SPAG16: variants seen among roughly 807,000 people sequenced by gnomAD.
SPAG16 encodes the protein sperm-associated antigen 16 protein.
A neutral mutation model predicts 80.4 loss-of-function variants in SPAG16; 86 were observed. The ratio of observed to expected loss-of-function variants is 1.07; its 90% CI spans 0.90 to 1.28. The LOEUF (loss-of-function observed/expected upper bound fraction) is 1.28, where lower values mean the gene tolerates loss of function less well. Among genes scored for constraint, SPAG16 ranks in the 50% most tolerant of loss-of-function variants. The pLI is 0.00. For synonymous variants in SPAG16, 294 were observed against 265.9 expected (o/e 1.11, Z -1.03); for missense variants, 870 against 765.3 (o/e 1.14, Z -1.61).
chr2:214,244,686 T>G (rs1689721312), intron 15 of SPAG16, among the ~76,000 whole-genome samples: 1 of 152,138 alleles, frequency 6.6e-6, no homozygotes, highest in South Asian at 2.1e-4. Flanking sequence ...TCAATTTCTA[T>G]TTTGAAAAGT....
intron 5 of SPAG16, among the ~76,000 whole-genome samples, chr2:213,333,928 C>A (rs1023176867): frequency 6.6e-6 from 1 of 152,102 alleles, no homozygotes; most frequent in Non-Finnish European, 1.5e-5. Flanking sequence ...TTGAGTAATA[C>A]CCTACAAGCA....
intron 11 of SPAG16, among the ~76,000 whole-genome samples, chr2:213,912,640 G>A (rs192944109): frequency 1.3e-5 from 2 of 152,214 alleles, no homozygotes; most frequent in Admixed American, 1.3e-4. Context: ...TGCATTCGGT[G>A]TAGAGCTTGC....
At chr2:214,246,275 T>C (rs1211769047) in intron 15 of SPAG16, among the ~76,000 whole-genome samples, 1 of 152,108 alleles carries the variant, frequency 6.6e-6, no homozygotes, top group Admixed American at 6.6e-5. Flanking sequence ...CTATGGCAGA[T>C]TCAGATTGTA....
chr2:214,260,832 T>A (rs1330354397), intron 15 of SPAG16, among the ~76,000 whole-genome samples: 2 of 151,916 alleles, frequency 1.3e-5, no homozygotes, highest in Non-Finnish European at 2.9e-5. Flanking sequence ...CTTGGCCAGG[T>A]GCAGTGGCTC....
intron 13 of SPAG16, among the ~76,000 whole-genome samples, chr2:214,063,612 C>T (rs11897357): frequency 0.096 from 14,651 of 152,158 alleles, 831 homozygotes; most frequent in East Asian, 0.23. Flanking sequence ...AATACTATCA[C>T]ATGAGCAATT....
intron 10 of SPAG16, among the ~76,000 whole-genome samples, chr2:213,747,744 GGATACCATCTCAGAATACATCACCGTCTT>G (rs1362209050): frequency 9.2e-5 from 14 of 152,294 alleles, no homozygotes; most frequent in African/African-American, 3.4e-4. Context: ...GTTCGAAGAA[GGATACCATCTCAGAATACATCACCGTCTT>G]GATACCATCT....
intron 11 of SPAG16, among the ~76,000 whole-genome samples, chr2:213,919,720 A>T (rs925336209): frequency 6.6e-6 from 1 of 152,166 alleles, no homozygotes; most frequent in African/African-American, 2.4e-5. Flanking sequence ...ATTATGTGGT[A>T]GAGTTTAGAG....
intron 12 of SPAG16, among the ~76,000 whole-genome samples, chr2:213,932,177 TATATATATATATA>T (rs1559602480): frequency 9.8e-4 from 26 of 26,644 alleles, no homozygotes; most frequent in South Asian, 6.5e-3. Flanking sequence ...TATATATATA[TATATATATATATA>T]TATATATATT....
intron 4 of SPAG16, 101 bp from the exon 5 acceptor site, chr2:213,317,118 A>G: frequency 1.6e-6 from 1 of 627,284 alleles, no homozygotes; most frequent in African/African-American, 1.8e-5. Flanking sequence ...GCAACTAATT[A>G]CTATAACACT....
In SPAG16 at chr2:213,553,463, A is replaced by AG. The variant is rs2076845210; in HGVS notation, c.1070+63375dup. ...CAGTATCCTGGTCCACAGAGAACACAGGCATCTCTTGCCACTGAGGTAACC... is the reference window on the plus strand; with the variant it reads ...CAGTATCCTGGTCCACAGAGAACACAGGGCATCTCTTGCCACTGAGGTAACC... On this transcript the variant is annotated intron_variant, in intron 10 of 15. Transcript: ENST00000331683. Among the ~76,000 whole-genome samples the AG allele has an allele frequency of 2.6e-5, 4 of 152,274 alleles. No homozygotes were observed. The South Asian group carries it at 6.2e-4, about 24-fold the overall frequency.
intron 10 of SPAG16, among the ~76,000 whole-genome samples, chr2:213,690,380 T>C (rs1043879335): frequency 3.9e-5 from 6 of 152,194 alleles, no homozygotes; most frequent in Non-Finnish European, 8.8e-5. Context: ...ACTGTGTCCT[T>C]ACACTGCCTC....
At chr2:213,433,507 A>G (rs994945763) in intron 9 of SPAG16, among the ~76,000 whole-genome samples, 1 of 152,232 alleles carries the variant, frequency 6.6e-6, no homozygotes, top group African/African-American at 2.4e-5. Context: ...TACAATAGCT[A>G]CAGAAGAAAA....
chr2:213,540,717 G>A (rs2076415877), intron 10 of SPAG16, among the ~76,000 whole-genome samples: 1 of 152,224 alleles, frequency 6.6e-6, no homozygotes. Flanking sequence ...GTTGGAGAAT[G>A]TTCAGTGAAA....
At chr2:213,712,384 G>A (rs186895149) in intron 10 of SPAG16, among the ~76,000 whole-genome samples, 29 of 152,222 alleles carry the variant, frequency 1.9e-4, no homozygotes, top group Non-Finnish European at 1.5e-5. Context: ...GTGTACAAGA[G>A]TGTTAAAAAG....
At chr2:213,669,100 T>C (rs1346104965) in intron 10 of SPAG16, among the ~76,000 whole-genome samples, 1 of 152,228 alleles carries the variant, frequency 6.6e-6, no homozygotes, top group South Asian at 2.1e-4. Flanking sequence ...CTGAGCAAAA[T>C]TGTTAAAATG....
intron 15 of SPAG16, among the ~76,000 whole-genome samples, chr2:214,246,270 G>T (rs1323884015): frequency 2.0e-5 from 3 of 152,086 alleles, no homozygotes; most frequent in African/African-American, 7.2e-5. Flanking sequence ...AGTGGCTATG[G>T]CAGATTCAGA....
chr2:214,071,390 A>G lies in SPAG16; in HGVS notation c.1528-36806A>G, dbSNP rs532626963. Among the ~76,000 whole-genome samples, 12 of 152,258 alleles carry G rather than the reference A, an allele frequency of 7.9e-5. No individual in the cohort carries two copies. The South Asian group carries it at 2.5e-3, about 32-fold the overall frequency. ...TCAGGCAGTCGGACTTCTCCCTGGT[A>G]TGGCATTAAAAGCTATAAATAATAA... On this transcript the variant is annotated intron_variant, in intron 13 of 15. Coordinates refer to ENST00000331683, the MANE Select transcript of SPAG16 (RefSeq NM_024532.5).
At chr2:213,620,325 C>T (rs1291291752) in intron 10 of SPAG16, among the ~76,000 whole-genome samples, 2 of 113,616 alleles carry the variant, frequency 1.8e-5, no homozygotes, top group Non-Finnish European at 3.3e-5. Context: ...CGGAGTCTCA[C>T]TCTGTCACCC....
At chr2:213,450,326 GAAC>G (rs1559144997) in intron 9 of SPAG16, among the ~76,000 whole-genome samples, 2 of 152,078 alleles carry the variant, frequency 1.3e-5, no homozygotes, top group African/African-American at 4.8e-5. Context: ...ACGAAAAAAA[GAAC>G]AAGAAAAGAA....
Sources: gnomAD v4.1 joint callset for allele counts (sites outside exome capture counted in the v4.1 genomes callset) on GRCh38, gnomAD v4.1.1 for gene constraint, MANE v1.5 for transcripts, NCBI Gene and HGNC (gene_info 2026-07-23, HGNC 2026-07-21) for gene names.